The following ANKHD1 variants were observed in gnomAD, a reference collection of about 807,000 sequenced individuals.
ANKHD1 encodes the protein ankyrin repeat and KH domain-containing protein 1.
Under a neutral mutation model 230.5 loss-of-function variants are expected in ANKHD1, and 31 were observed. That is an observed-to-expected ratio of 0.13 (90% CI 0.10 to 0.18). The LOEUF (loss-of-function observed/expected upper bound fraction) is 0.18, where lower values mean the gene tolerates loss of function less well. Among genes scored for constraint, ANKHD1 ranks in the 10% least tolerant of loss-of-function variants. The pLI is 1.00. For synonymous variants in ANKHD1, 1,074 were observed against 1,117.6 expected (o/e 0.96, Z 0.78); for missense variants, 2,256 against 3,071.3 (o/e 0.73, Z 6.27).
At chr5:140,500,425 G>T (rs569779893) in intron 15 of ANKHD1, among the ~76,000 whole-genome samples, 1 of 151,778 alleles carries the variant, frequency 6.6e-6, no homozygotes, top group Non-Finnish European at 1.5e-5. Flanking sequence ...GGCAGGCGGC[G>T]GATCACTTGA....
At chr5:140,467,975 T>C (rs1027293732) in intron 10 of ANKHD1, among the ~76,000 whole-genome samples, 6 of 150,298 alleles carry the variant, frequency 4.0e-5, no homozygotes, top group Non-Finnish European at 8.9e-5. Flanking sequence ...CCATCCCCCA[T>C]TGCATGCAGT....
chr5:140,500,930 C>T (rs963303169), intron 15 of ANKHD1, among the ~76,000 whole-genome samples: 3 of 151,902 alleles, frequency 2.0e-5, no homozygotes, highest in Non-Finnish European at 2.9e-5. Flanking sequence ...ACTATCATTG[C>T]CATCTTAACA....
intron 13 of ANKHD1, 133 bp from the exon 14 acceptor site, chr5:140,486,825 A>T (rs982196376): frequency 5.9e-5 from 50 of 843,614 alleles, no homozygotes; most frequent in Middle Eastern, 7.4e-4. Context: ...AGCTTTTTTT[A>T]AAAAAAGCTT....
chr5:140,499,085 T>C (rs1752164046), intron 15 of ANKHD1, among the ~76,000 whole-genome samples: 1 of 152,112 alleles, frequency 6.6e-6, no homozygotes, highest in Non-Finnish European at 1.5e-5. Context: ...TAATAAGTTT[T>C]AAATTTTAAA....
At chr5:140,463,948 C>T (rs1331550887) in intron 9 of ANKHD1, among the ~76,000 whole-genome samples, 1 of 152,232 alleles carries the variant, frequency 6.6e-6, no homozygotes, top group East Asian at 1.9e-4. Flanking sequence ...GCAAGGGTTA[C>T]AGGTTTGAGC....
At chr5:140,442,187 G>C (rs1489175009) in intron 5 of ANKHD1, among the ~76,000 whole-genome samples, 1 of 151,664 alleles carries the variant, frequency 6.6e-6, no homozygotes, top group Non-Finnish European at 1.5e-5. Flanking sequence ...TTACAGGCGA[G>C]TACCACCACT....
At chr5:140,477,096 G>A (rs1751010842) in intron 10 of ANKHD1, among the ~76,000 whole-genome samples, 1 of 152,174 alleles carries the variant, frequency 6.6e-6, no homozygotes, top group Non-Finnish European at 1.5e-5. Flanking sequence ...CTAAAGCAAA[G>A]TGATGAGGAA....
In ANKHD1 at chr5:140,537,491, G is replaced by A. The variant is rs747844917; in HGVS notation, c.7130G>A (p.Arg2377Gln). 1.9e-6 allele frequency: 3 copies of A among 1,614,046 alleles called. No individual in the cohort carries two copies. In the Admixed American group the frequency reaches 5.0e-5, roughly 27 times the overall value. Residue 2377 changes from arginine to glutamine, a missense_variant, in exon 31 of 34, where the codon CGG becomes CAG. Around this residue, in one of 13 missense-constraint regions of ANKHD1, gnomAD observed 778 missense variants for 966.5 expected, o/e 0.80. Transcript: ENST00000360839. ...GGAACAGAGAGACTGGCCCGAATTCGGCAAGGAGGGTCTGTTGCACAAGCC... is the reference window on the plus strand; with the variant it reads ...GGAACAGAGAGACTGGCCCGAATTCAGCAAGGAGGGTCTGTTGCACAAGCC... Reference protein sequence around the residue: ...PIGTERLARIRQGGSVAQAPA... With the variant: ...PIGTERLARIQQGGSVAQAPA...
At chr5:140,518,366 G>T (rs1175723586) in intron 24 of ANKHD1, among the ~76,000 whole-genome samples, 37 of 152,076 alleles carry the variant, frequency 2.4e-4, no homozygotes, top group South Asian at 4.1e-4. Context: ...GGTACAAGGA[G>T]GAGCTGGTAC....
chr5:140,443,401 A>C (rs544673559), intron 5 of ANKHD1, among the ~76,000 whole-genome samples: 3 of 151,586 alleles, frequency 2.0e-5, no homozygotes, highest in African/African-American at 4.8e-5. Context: ...AAAAATACCC[A>C]AAAAAAAGGC....
rs755432417 is a variant in ANKHD1 at position 140,458,703 on chromosome 5, C to G, written c.1321C>G (p.Pro441Ala). Residue 441 changes from proline (P) to alanine (A), a missense_variant, in exon 8 of 34, where the codon CCA (proline) becomes GCA (alanine). Pro to Ala is a conservative substitution (Grantham distance 27, BLOSUM62 -1). Around this residue, in one of 13 missense-constraint regions of ANKHD1, gnomAD observed 179 missense variants for 261.8 expected, o/e 0.68. Transcript: ENST00000360839. ...VNMPADSFES[P>A]LTLAACGGHV... is the part of the protein sequence containing the mutation. ...CATGCCTGCAGATTCATTTGAATCT[C>G]CATTGACGCTAGCTGCCTGTGGAGG... The G allele has an allele frequency of 2.5e-6, 4 of 1,613,046 alleles. No individual in the cohort carries two copies. In the Admixed American group the frequency reaches 6.7e-5, roughly 27 times the overall value.
chr5:140,450,888 C>T (rs913378560), intron 7 of ANKHD1, among the ~76,000 whole-genome samples: 3 of 152,052 alleles, frequency 2.0e-5, no homozygotes, highest in African/African-American at 7.2e-5. Context: ...CGTGGTGGCT[C>T]ATGCCTGTAA....
At chr5:140,413,788 GT>G (rs548899024) in intron 1 of ANKHD1, among the ~76,000 whole-genome samples, 2 of 150,050 alleles carry the variant, frequency 1.3e-5, no homozygotes, top group South Asian at 2.1e-4. Context: ...TGTTTGTTTT[GT>G]TTTTTTTTGG....
At chr5:140,410,993 T>G (rs775607567) in intron 1 of ANKHD1, among the ~76,000 whole-genome samples, 14 of 146,432 alleles carry the variant, frequency 9.6e-5, no homozygotes, top group South Asian at 2.1e-4. Flanking sequence ...GAGCCCATAC[T>G]GTTATTTTGC....
At chr5:140,475,943 T>C (rs1440786517) in intron 10 of ANKHD1, among the ~76,000 whole-genome samples, 4 of 152,092 alleles carry the variant, frequency 2.6e-5, no homozygotes, top group East Asian at 1.9e-4. Context: ...CTCAAGGAAA[T>C]TGAAATAAAC....
At chr5:140,518,524 A>G (rs1474200235) in intron 24 of ANKHD1, among the ~76,000 whole-genome samples, 1 of 150,816 alleles carries the variant, frequency 6.6e-6, no homozygotes, top group African/African-American at 2.4e-5. Context: ...ATGAACATTG[A>G]TGCAAAAATC....
intron 10 of ANKHD1, among the ~76,000 whole-genome samples, chr5:140,476,569 AAATAAC>A (rs1268663725): frequency 6.6e-6 from 1 of 152,162 alleles, no homozygotes; most frequent in Non-Finnish European, 1.5e-5. Flanking sequence ...TACCAAGATA[AAATAAC>A]AATACAGAAT....
rs1753716806 is a variant in ANKHD1, at chr5:140,529,216, T to C, written c.6270T>C (p.Ser2090=). 6.2e-7 allele frequency: 1 copy of C among 1,614,178 alleles called. No homozygotes were observed. The highest frequency in any genetic ancestry group is 8.5e-7 in the Non-Finnish European group (1 of 1,180,048). The change falls in exon 29 of 34, where the codon AGT becomes AGC. Residue 2090 remains serine (S), a synonymous_variant. Coordinates refer to ENST00000360839, the MANE Select transcript of ANKHD1 (RefSeq NM_017747.3). ...AGCCATCCAGTGTGTCTGATTTAAG[T>C]CCTATGTCAATGCCTTTTGCATCTA... ...EAQPSSVSDL[S]PMSMPFASNS...
chr5:140,436,675 G>T (rs553539132), intron 2 of ANKHD1, among the ~76,000 whole-genome samples: 1 of 151,976 alleles, frequency 6.6e-6, no homozygotes, highest in Non-Finnish European at 1.5e-5. Flanking sequence ...GAACCCTAGA[G>T]GGGGAGGTTT....
Sources: allele counts gnomAD v4.1 joint callset (sites outside exome capture counted in the v4.1 genomes callset), GRCh38; gene constraint gnomAD v4.1.1; regional missense constraint gnomAD v4.1.1; transcripts MANE v1.5; gene names NCBI Gene and HGNC (gene_info 2026-07-23, HGNC 2026-07-21).